Variants in TENT2 observed in about 807,000 individuals in gnomAD.
TENT2 encodes terminal nucleotidyltransferase 2.
Under a neutral mutation model 72.2 loss-of-function variants are expected in TENT2, and 44 were observed. That is an observed-to-expected ratio of 0.61 (90% CI 0.48 to 0.78). The LOEUF (loss-of-function observed/expected upper bound fraction) is 0.78. TENT2 is among the 30% of genes least tolerant of loss of function. The pLI, the probability that TENT2 is intolerant of heterozygous loss-of-function variation, is 0.00. For synonymous variants in TENT2, 212 were observed against 192.5 expected (o/e 1.10, Z -0.84); for missense variants, 541 against 569.6 (o/e 0.95, Z 0.51).
Position 79,649,151 on chromosome 5 carries a change from A to G in TENT2, c.988A>G (p.Ser330Gly), listed in dbSNP as rs777482088. The change falls in exon 10 of 15, where the codon AGC (serine) becomes GGC (glycine). Residue 330 changes from serine to glycine, a missense_variant. By Grantham distance (56) the Ser-to-Gly change is moderately conservative (BLOSUM62 0). Coordinates refer to ENST00000453514, the MANE Select transcript of TENT2 (RefSeq NM_001114394.3). ...INDASRGTLS[S>G]YSLVLMVLHY... Reference sequence around the variant, plus strand: ...TGATGCCAGTCGTGGTACTTTAAGCAGCTATAGTCTTGTATTGATGGTTTT... The same window carrying G: ...TGATGCCAGTCGTGGTACTTTAAGCGGCTATAGTCTTGTATTGATGGTTTT... 1 of 1,613,560 alleles carries G rather than the reference A, an allele frequency of 6.2e-7. No homozygotes were observed. Among genetic ancestry groups the G allele is most frequent in the Admixed American group, 1.7e-5 (1 of 59,890 alleles).
intron 4 of TENT2, among the ~76,000 whole-genome samples, chr5:79,631,641 G>T (rs866959787): frequency 6.6e-6 from 1 of 152,184 alleles, no homozygotes; most frequent in Non-Finnish European, 1.5e-5. Flanking sequence ...GGGACATTTG[G>T]CAGTGAAAGG....
At position 79,620,073 on chromosome 5, in the gene TENT2, C is replaced by T. The variant is rs1367314418; in HGVS notation, c.217C>T (p.Arg73Ter). Residue 73 changes from arginine to a stop codon, truncating the protein, a stop_gained, in exon 3 of 15, where the codon CGA becomes TGA. Coordinates refer to ENST00000453514, the MANE Select transcript of TENT2 (RefSeq NM_001114394.3). LOFTEE classifies it high-confidence loss of function. ...PIQTSASPLF[R>*]GRKRLSDEKN... ...ACAGACCTCAGCTTCCCCATTATTTCGAGGAAGGAAGTAAGTACTTCTTAA... is the reference window on the plus strand; with the variant it reads ...ACAGACCTCAGCTTCCCCATTATTTTGAGGAAGGAAGTAAGTACTTCTTAA... The T allele has an allele frequency of 1.2e-6, 2 of 1,601,110 alleles. No homozygotes were observed. Among genetic ancestry groups the T allele is most frequent in the Non-Finnish European group, 1.7e-6 (2 of 1,169,722 alleles).
intron 11 of TENT2, 144 bp from the exon 12 acceptor site, chr5:79,668,748 A>C (rs1810485015): frequency 2.3e-6 from 2 of 871,868 alleles, no homozygotes; most frequent in Non-Finnish European, 3.5e-6. Context: ...TCTTTAGTGG[A>C]AGAAAAATTT....
At chr5:79,670,872 GGCAATCTACA>G (rs1268557225) in intron 12 of TENT2, among the ~76,000 whole-genome samples, 4 of 151,232 alleles carry the variant, frequency 2.6e-5, no homozygotes, top group African/African-American at 9.7e-5. Context: ...ACTTGCCCAT[GGCAATCTACA>G]GCTAGATTGT....
At chr5:79,652,544 A>G (rs1794963199) in intron 10 of TENT2, among the ~76,000 whole-genome samples, 1 of 152,012 alleles carries the variant, frequency 6.6e-6, no homozygotes, top group Admixed American at 6.6e-5. Flanking sequence ...GCTGGTCTCA[A>G]ATGATTTTTT....
At chr5:79,621,996 G>A (rs1294356267) in intron 3 of TENT2, among the ~76,000 whole-genome samples, 1 of 151,678 alleles carries the variant, frequency 6.6e-6, no homozygotes, top group African/African-American at 2.4e-5. Flanking sequence ...TAATCCCAAA[G>A]GAGTGTTAAA....
Position 79,612,725 on chromosome 5 carries a change from G to A in TENT2, c.-388G>A, listed in dbSNP as rs1443377956. On this transcript the variant is annotated 5_prime_UTR_variant, in exon 1 of 15. Coordinates refer to ENST00000453514, the MANE Select transcript of TENT2 (RefSeq NM_001114394.3). ...AGCTCGGGCCTTAGAACTTCTGAAC[G>A]GGCAGTGCGGGTAGGCCCTGCTTAG... 1 of 152,666 alleles carries A rather than the reference G, an allele frequency of 6.6e-6. No homozygotes were observed. Among genetic ancestry groups the A allele is most frequent in the Non-Finnish European group, 1.5e-5 (1 of 68,190 alleles). The allele number at this position is 152,666 out of a possible 1,614,324, so 9.5% of individuals were successfully genotyped here.
At chr5:79,643,956 C>G (rs78576591) in intron 7 of TENT2, among the ~76,000 whole-genome samples, 2,755 of 151,356 alleles carry the variant, frequency 0.018, 94 homozygotes, top group African/African-American at 0.062. Flanking sequence ...AATTCCTGCT[C>G]ATAAGTTCTA....
chr5:79,633,799 C>T (rs1333062973), intron 4 of TENT2, among the ~76,000 whole-genome samples: 4 of 149,820 alleles, frequency 2.7e-5, no homozygotes, highest in African/African-American at 9.8e-5. Context: ...GCTGAGTATA[C>T]CATGTGAAGG....
At chr5:79,682,134 G>A in intron 14 of TENT2, 73 bp downstream of exon 14, 2 of 991,118 alleles carry the variant, frequency 2.0e-6, no homozygotes, top group Non-Finnish European at 3.1e-6. Flanking sequence ...AAATACGTGT[G>A]TAGTAGGACA....
chr5:79,625,322 C>T (rs1308379151), intron 4 of TENT2, among the ~76,000 whole-genome samples: 2 of 152,218 alleles, frequency 1.3e-5, no homozygotes, highest in East Asian at 3.9e-4. Flanking sequence ...CAGATAATGA[C>T]TTGTGAATTT....
Position 79,668,936 on chromosome 5 carries a change from T to G in TENT2, c.1116T>G (p.Ala372=). The G allele has an allele frequency of 6.2e-7, 1 of 1,613,822 alleles. No individual in the cohort carries two copies. The highest frequency in any genetic ancestry group is 8.5e-7 in the Non-Finnish European group (1 of 1,179,810). ...TACAGCTGCACCTTGTACATCAAGC[T>G]CCATGTAATGTTCCTCCTTACCTCT... The part of the protein sequence containing the change: ...PAIQLHLVHQ[A]PCNVPPYLSK... Residue 372 remains alanine, a synonymous_variant, in exon 12 of 15, where the codon GCT becomes GCG. Transcript: ENST00000453514.
intron 11 of TENT2, among the ~76,000 whole-genome samples, chr5:79,665,466 A>G (rs1270685645): frequency 1.3e-5 from 2 of 152,226 alleles, no homozygotes. Flanking sequence ...GAATCTGGCA[A>G]AAGGTATTTT....
At chr5:79,672,095 C>T (rs1813371819) in intron 12 of TENT2, among the ~76,000 whole-genome samples, 1 of 136,258 alleles carries the variant, frequency 7.3e-6, no homozygotes. Context: ...AGAGTGAGAC[C>T]CTGTCTCAAA....
chr5:79,672,689 ATTAT>A (rs1165385223), intron 12 of TENT2, among the ~76,000 whole-genome samples: 1 of 152,158 alleles, frequency 6.6e-6, no homozygotes, highest in East Asian at 1.9e-4. Flanking sequence ...AGTACCACCT[ATTAT>A]TTATCCATTC....
chr5:79,669,182 T>G (rs1223479150), intron 12 of TENT2, among the ~76,000 whole-genome samples, 154 bp downstream of exon 12: 2 of 152,206 alleles, frequency 1.3e-5, no homozygotes, highest in Non-Finnish European at 2.9e-5. Flanking sequence ...CAGAAATGTA[T>G]AGTTTATAAA....
intron 12 of TENT2, among the ~76,000 whole-genome samples, chr5:79,670,873 G>A (rs1812499708): frequency 6.6e-6 from 1 of 151,244 alleles, no homozygotes; most frequent in Non-Finnish European, 1.5e-5. Context: ...CTTGCCCATG[G>A]CAATCTACAG....
At chr5:79,648,832 T>C in intron 9 of TENT2, 139 bp downstream of exon 9, 1 of 795,540 alleles carries the variant, frequency 1.3e-6, no homozygotes, top group Non-Finnish European at 2.0e-6. Flanking sequence ...GTTGCTACAC[T>C]AAAATCATAT....
At chr5:79,650,507 TAAA>T (rs935678882) in intron 10 of TENT2, among the ~76,000 whole-genome samples, 1 of 151,882 alleles carries the variant, frequency 6.6e-6, no homozygotes, top group African/African-American at 2.4e-5. Flanking sequence ...GTGTAGTCAT[TAAA>T]AAAAAGTATT....
Sources: allele counts gnomAD v4.1 joint callset (sites outside exome capture counted in the v4.1 genomes callset), GRCh38; gene constraint gnomAD v4.1.1; transcripts MANE v1.5; gene names NCBI Gene and HGNC (gene_info 2026-07-23, HGNC 2026-07-21).